Variants in PCTP observed in about 807,000 individuals in gnomAD.
PCTP encodes the protein START domain-containing protein 2.
Under a neutral mutation model 31.0 loss-of-function variants are expected in PCTP, and 27 were observed. The observed-to-expected ratio is 0.87, with a 90% CI of 0.64 to 1.20. The LOEUF (loss-of-function observed/expected upper bound fraction) is 1.20. Among genes scored for constraint, PCTP ranks in the 50% most tolerant of loss-of-function variants. The pLI is 0.00. For missense variants in PCTP, 287 were observed against 268.2 expected, an observed-to-expected ratio of 1.07 and a Z score of -0.49; for synonymous variants, 108 against 101.2, an observed-to-expected ratio of 1.07 and a Z score of -0.40.
In PCTP at chr17:55,762,577, A is replaced by G. The variant is rs150585211; in HGVS notation, c.142-4758A>G. 2.1e-3 allele frequency among the ~76,000 whole-genome samples: 322 copies of G among 152,304 alleles called. 1 individual carries two copies. Among genetic ancestry groups the G allele is most frequent in the African/African-American group, 7.4e-3 (309 of 41,564 alleles). ...CAAGTAATAGAAAATTGGACAATCA[A>G]TGACAAACAGAGGCATGTTTATCTC... On this transcript the variant is annotated intron_variant, in intron 1 of 5. Transcript: ENST00000268896.
chr17:55,827,347 C>T (rs1227244093), downstream of PCTP, among the ~76,000 whole-genome samples: 2 of 152,192 alleles, frequency 1.3e-5, no homozygotes, highest in Admixed American at 1.3e-4. Context: ...CAGCTAATGC[C>T]ATCCTAGTTC....
intron 3 of PCTP, among the ~76,000 whole-genome samples, chr17:55,798,941 A>G (rs1054508708): frequency 6.6e-6 from 1 of 151,890 alleles, no homozygotes; most frequent in African/African-American, 2.4e-5. Flanking sequence ...AAGGGTAAAT[A>G]TTTTTTAATT....
At chr17:55,798,173 A>G (rs1381311178) in intron 3 of PCTP, among the ~76,000 whole-genome samples, 1 of 152,030 alleles carries the variant, frequency 6.6e-6, no homozygotes, top group African/African-American at 2.4e-5. Flanking sequence ...AAATATACAG[A>G]TAGAATAATA....
At chr17:55,805,918 T>TGTGTGTGTGTG (rs1567726531) in intron 3 of PCTP, among the ~76,000 whole-genome samples, 45 of 108,904 alleles carry the variant, frequency 4.1e-4, no homozygotes, top group Middle Eastern at 5.1e-3. Context: ...GTGTGTGTGT[T>TGTGTGTGTGTG]TGACTTTAGA....
intron 3 of PCTP, among the ~76,000 whole-genome samples, chr17:55,790,736 A>G (rs1911932579): frequency 6.7e-6 from 1 of 150,180 alleles, no homozygotes; most frequent in Non-Finnish European, 1.5e-5. Flanking sequence ...TGCCCAAGGT[A>G]ATTTACAGAT....
At chr17:55,767,537 T>TCAC (rs1165614932) in intron 2 of PCTP, 85 bp downstream of exon 2, 1 of 879,004 alleles carries the variant, frequency 1.1e-6, no homozygotes, top group African/African-American at 1.7e-5. Flanking sequence ...GGATCTCAGC[T>TCAC]CACCGCAATC....
intron 4 of PCTP, among the ~76,000 whole-genome samples, 165 bp from the exon 5 acceptor site, chr17:55,774,627 T>A (rs1911204662): frequency 6.6e-6 from 1 of 152,188 alleles, no homozygotes; most frequent in Admixed American, 6.5e-5. Flanking sequence ...TATATTTAAG[T>A]ATGCCATAAG....
At chr17:55,759,625 C>T (rs957502881) in intron 1 of PCTP, among the ~76,000 whole-genome samples, 3 of 152,084 alleles carry the variant, frequency 2.0e-5, no homozygotes, top group South Asian at 2.1e-4. Flanking sequence ...TGGAAATGAG[C>T]GCTTCTGTGA....
chr17:55,839,919 C>CAAAAAAAAA (rs57402824), intron 5 of PCTP, among the ~76,000 whole-genome samples: 591 of 12,474 alleles, frequency 0.047, 40 homozygotes, highest in Non-Finnish European at 0.079. Context: ...GACTCAGTCT[C>CAAAAAAAAA]AAAAAAAAAA....
chr17:55,762,990 A>G (rs1480317722), intron 1 of PCTP, among the ~76,000 whole-genome samples: 1 of 152,222 alleles, frequency 6.6e-6, no homozygotes, highest in Non-Finnish European at 1.5e-5. Context: ...TAAATGTCTT[A>G]TAACTGGAGC....
downstream of PCTP, among the ~76,000 whole-genome samples, chr17:55,781,262 C>G (rs941376389): frequency 1.3e-5 from 2 of 152,206 alleles, no homozygotes; most frequent in Non-Finnish European, 2.9e-5. Context: ...TATCTGCCTC[C>G]CGTTCTCCTG....
At chr17:55,852,333 T>A in the PCTP span, among the ~76,000 whole-genome samples, 23 of 152,166 alleles carry the variant, frequency 1.5e-4, no homozygotes, top group Non-Finnish European at 2.2e-4. Flanking sequence ...GTCGTGGTAC[T>A]GTAACCACTC....
chr17:55,804,792 C>T (rs1286948739), intron 3 of PCTP, among the ~76,000 whole-genome samples: 1 of 152,000 alleles, frequency 6.6e-6, no homozygotes, highest in Admixed American at 6.6e-5. Flanking sequence ...CAGCAAACCA[C>T]CATGGCATGT....
chr17:55,812,896 C>T (rs1307137962), intron 3 of PCTP, among the ~76,000 whole-genome samples: 1 of 152,154 alleles, frequency 6.6e-6, no homozygotes, highest in Non-Finnish European at 1.5e-5. Flanking sequence ...TTCTCAGTCA[C>T]CCCTTCTGGA....
At chr17:55,757,616 T>C (rs1244850187) in intron 1 of PCTP, among the ~76,000 whole-genome samples, 1 of 152,100 alleles carries the variant, frequency 6.6e-6, no homozygotes, top group African/African-American at 2.4e-5. Context: ...CACGTTCTCA[T>C]CAATGAATAA....
At chr17:55,757,391 G>A (rs972266489) in intron 1 of PCTP, among the ~76,000 whole-genome samples, 21 of 150,534 alleles carry the variant, frequency 1.4e-4, no homozygotes, top group Admixed American at 2.6e-4. Context: ...TCATTCAATC[G>A]TCTCAACAAC....
At chr17:55,815,758 T>C (rs1366111026) in intron 3 of PCTP, among the ~76,000 whole-genome samples, 1 of 152,200 alleles carries the variant, frequency 6.6e-6, no homozygotes, top group Non-Finnish European at 1.5e-5. Context: ...ATCGGGAACC[T>C]GCCAACAGGT....
intron 5 of PCTP, among the ~76,000 whole-genome samples, chr17:55,832,410 C>T (rs1006623708): frequency 4.6e-5 from 7 of 152,216 alleles, no homozygotes; most frequent in Non-Finnish European, 1.0e-4. Flanking sequence ...GAAATTTCTG[C>T]TCCAGGAAGG....
At chr17:55,799,028 G>A (rs1912280139) in intron 3 of PCTP, among the ~76,000 whole-genome samples, 1 of 151,636 alleles carries the variant, frequency 6.6e-6, no homozygotes, top group Non-Finnish European at 1.5e-5. Flanking sequence ...TGAATCTCAA[G>A]GATATACATT....
Sources: allele counts gnomAD v4.1 joint callset (sites outside exome capture counted in the v4.1 genomes callset), GRCh38; gene constraint gnomAD v4.1.1; transcripts MANE v1.5; gene names NCBI Gene and HGNC (gene_info 2026-07-23, HGNC 2026-07-21).